Variants in SPAG16 observed in about 807,000 individuals in gnomAD.
SPAG16 encodes the protein sperm associated antigen 16, also known as sperm-associated antigen 16 protein.
SPAG16 carries 86 observed loss-of-function variants against 80.4 expected under a neutral mutation model. The ratio of observed to expected loss-of-function variants is 1.07; its 90% CI spans 0.90 to 1.28. SPAG16 has a LOEUF of 1.28. Among genes scored for constraint, SPAG16 ranks in the 50% most tolerant of loss-of-function variants. The pLI, the probability that SPAG16 is intolerant of heterozygous loss-of-function variation, is 0.00. For missense variants in SPAG16, 870 were observed against 765.3 expected (o/e 1.14, Z -1.61); for synonymous variants, 294 against 265.9 (o/e 1.11, Z -1.03).
At chr2:213,981,704 C>T (rs1011593686) in intron 12 of SPAG16, among the ~76,000 whole-genome samples, 1 of 151,894 alleles carries the variant, frequency 6.6e-6, no homozygotes, top group Non-Finnish European at 1.5e-5. Context: ...GTGAAGAGCG[C>T]AACAAACCCA....
At chr2:213,749,352 T>C (rs16850853) in intron 10 of SPAG16, among the ~76,000 whole-genome samples, 3,677 of 152,274 alleles carry the variant, frequency 0.024, 146 homozygotes, top group African/African-American at 0.083. Flanking sequence ...TAACATATCC[T>C]GGCAGCATAA....
intron 10 of SPAG16, among the ~76,000 whole-genome samples, chr2:213,645,132 C>A (rs1301114918): frequency 6.6e-6 from 1 of 152,214 alleles, no homozygotes; most frequent in African/African-American, 2.4e-5. Context: ...GCAGCCACAA[C>A]CACCGCAGGC....
At chr2:214,061,815 T>C (rs1242580435) in intron 13 of SPAG16, among the ~76,000 whole-genome samples, 2 of 152,120 alleles carry the variant, frequency 1.3e-5, no homozygotes, top group Non-Finnish European at 1.5e-5. Context: ...CAGCCCTAGG[T>C]TGAGCACTGC....
intron 10 of SPAG16, among the ~76,000 whole-genome samples, chr2:213,721,109 A>G (rs756268489): frequency 3.3e-5 from 5 of 150,710 alleles, no homozygotes; most frequent in Non-Finnish European, 7.4e-5. Context: ...TTATTTTATT[A>G]TTAGTTTTTG....
intron 5 of SPAG16, among the ~76,000 whole-genome samples, chr2:213,323,655 C>G (rs1668585281): frequency 1.3e-5 from 2 of 152,188 alleles, no homozygotes; most frequent in East Asian, 3.8e-4. Context: ...AAACCAGGAT[C>G]TGAGGCAGAT....
In SPAG16 at chr2:213,968,983, A is replaced by G. The variant is rs192152870; in HGVS notation, c.1400+38838A>G. Among the ~76,000 whole-genome samples, 251 of 152,340 alleles carry G rather than the reference A, an allele frequency of 1.6e-3. 1 individual carries two copies. Among genetic ancestry groups the G allele is most frequent in the African/African-American group, 5.8e-3 (241 of 41,574 alleles). On this transcript the variant is annotated intron_variant, in intron 12 of 15. Coordinates refer to ENST00000331683, the MANE Select transcript of SPAG16 (RefSeq NM_024532.5). ...AAAGAGTCAGATAACATACAGATGT[A>G]CAAGTATTATAGACAGCTTGCAGAG...
intron 11 of SPAG16, among the ~76,000 whole-genome samples, chr2:213,888,706 A>G (rs1042323898): frequency 6.6e-6 from 1 of 151,902 alleles, no homozygotes; most frequent in Non-Finnish European, 1.5e-5. Flanking sequence ...TTATATTGAC[A>G]TCATATTGCC....
chr2:213,654,965 G>C (rs1384373270), intron 10 of SPAG16, among the ~76,000 whole-genome samples: 1 of 152,178 alleles, frequency 6.6e-6, no homozygotes, highest in African/African-American at 2.4e-5. Flanking sequence ...TGATTACTCT[G>C]AGTTATTAGA....
chr2:213,694,767 TTTTCCTTC>T (rs1484212447), intron 10 of SPAG16, among the ~76,000 whole-genome samples: 1 of 135,360 alleles, frequency 7.4e-6, no homozygotes, highest in African/African-American at 2.5e-5. Context: ...TATCCTTCTC[TTTTCCTTC>T]TTTCCTTCCT....
intron 10 of SPAG16, among the ~76,000 whole-genome samples, chr2:213,740,807 A>G (rs77285413): frequency 0.041 from 6,220 of 152,288 alleles, 358 homozygotes; most frequent in African/African-American, 0.13. Flanking sequence ...AAGCTGGGCT[A>G]TGGACAAAGA....
chr2:213,882,129 T>C (rs2076367118), intron 11 of SPAG16, among the ~76,000 whole-genome samples: 2 of 152,194 alleles, frequency 1.3e-5, no homozygotes, highest in South Asian at 4.1e-4. Context: ...TGTTAAATTA[T>C]ATTTATTGAT....
intron 10 of SPAG16, among the ~76,000 whole-genome samples, chr2:213,555,523 A>G (rs1386206368): frequency 6.6e-6 from 1 of 152,200 alleles, no homozygotes; most frequent in Non-Finnish European, 1.5e-5. Flanking sequence ...TCAGCTATGA[A>G]GAACTGTGAG....
At chr2:213,483,049 C>T (rs868467048) in intron 9 of SPAG16, among the ~76,000 whole-genome samples, 2 of 152,062 alleles carry the variant, frequency 1.3e-5, no homozygotes, top group Non-Finnish European at 2.9e-5. Context: ...TTTAGTTGCA[C>T]ACATATATGT....
At chr2:214,095,290 A>C (rs1220158213) in intron 13 of SPAG16, among the ~76,000 whole-genome samples, 2 of 152,086 alleles carry the variant, frequency 1.3e-5, no homozygotes, top group African/African-American at 4.8e-5. Context: ...TAACAGAGAA[A>C]GCAGACACAC....
intron 9 of SPAG16, among the ~76,000 whole-genome samples, chr2:213,409,196 A>G (rs953070513): frequency 6.6e-6 from 1 of 151,914 alleles, no homozygotes; most frequent in South Asian, 2.1e-4. Flanking sequence ...AAGTTGTGGG[A>G]AAAAAAGGTT....
chr2:213,854,750 C>G (rs1486938304), intron 10 of SPAG16, among the ~76,000 whole-genome samples: 1 of 152,250 alleles, frequency 6.6e-6, no homozygotes, highest in African/African-American at 2.4e-5. Context: ...CTAGCTAACA[C>G]TGGAACAAGA....
At chr2:213,651,542 A>G (rs1353281988) in intron 10 of SPAG16, among the ~76,000 whole-genome samples, 6 of 152,194 alleles carry the variant, frequency 3.9e-5, no homozygotes. Flanking sequence ...GAGCAAGCAG[A>G]TGAGTGACAT....
chr2:213,742,942 C>T (rs1380737083), intron 10 of SPAG16, among the ~76,000 whole-genome samples: 1 of 151,710 alleles, frequency 6.6e-6, no homozygotes, highest in African/African-American at 2.4e-5. Flanking sequence ...CTCGCTCTGT[C>T]GCCCAGGCTG....
At chr2:213,403,112 T>C (rs2068414676) in intron 9 of SPAG16, among the ~76,000 whole-genome samples, 1 of 152,086 alleles carries the variant, frequency 6.6e-6, no homozygotes, top group Non-Finnish European at 1.5e-5. Flanking sequence ...TTTTTAATGA[T>C]CGCCATTCTA....
Sources: gnomAD v4.1 joint callset for allele counts (sites outside exome capture counted in the v4.1 genomes callset) on GRCh38, gnomAD v4.1.1 for gene constraint, MANE v1.5 for transcripts, NCBI Gene and HGNC (gene_info 2026-07-23, HGNC 2026-07-21) for gene names.